The following C1orf167 variants were observed in gnomAD, a reference collection of about 807,000 sequenced individuals.
C1orf167 encodes uncharacterized protein C1orf167.
In C1orf167, 153 loss-of-function variants were observed where a neutral mutation model predicts 176.5. The ratio of observed to expected loss-of-function variants is 0.87; its 90% CI spans 0.76 to 0.99. The LOEUF (loss-of-function observed/expected upper bound fraction) is 0.99, where lower values mean the gene tolerates loss of function less well. Among genes scored for constraint, C1orf167 ranks in the 50% least tolerant of loss-of-function variants. The pLI is 0.00. For missense variants in C1orf167, 1,490 were observed against 1,817.7 expected, an observed-to-expected ratio of 0.82 and a Z score of 3.28; for synonymous variants, 594 against 752.7, an observed-to-expected ratio of 0.79 and a Z score of 3.45.
intron 16 of C1orf167, chr1:11,786,488 T>C (rs1235392701): frequency 6.6e-6 from 1 of 151,960 alleles, no homozygotes; most frequent in South Asian, 2.1e-4. Flanking sequence ...CAGGCCAGAG[T>C]GCAGTGGTGC....
intron 17 of C1orf167, 21 bp downstream of exon 17, chr1:11,787,514 G>C (rs1267407832): frequency 2.3e-6 from 3 of 1,284,218 alleles, no homozygotes; most frequent in African/African-American, 1.5e-5. Context: ...CTTGCCCCGG[G>C]GGACAAACGG....
intron 1 of C1orf167, 74 bp downstream of exon 1, chr1:11,762,379 C>T (rs1383593364): frequency 1.1e-5 from 4 of 351,212 alleles, no homozygotes; most frequent in African/African-American, 2.1e-5. Context: ...GGCTGTGAGC[C>T]CCCTTAAGTG....
intron 8 of C1orf167, among the ~76,000 whole-genome samples, chr1:11,772,615 G>A (rs1375550747): frequency 2.0e-5 from 3 of 152,110 alleles, no homozygotes; most frequent in Non-Finnish European, 4.4e-5. Flanking sequence ...GAGAGGCAAG[G>A]ATGCAAATAG....
intron 6 of C1orf167, 106 bp from the exon 7 acceptor site, chr1:11,771,418 T>C: frequency 5.7e-6 from 3 of 529,046 alleles, no homozygotes; most frequent in South Asian, 5.0e-5. Context: ...CAGCGCCCCC[T>C]GCTCCCAAGG....
rs923750819 is a variant in C1orf167, at chr1:11,782,248, C to T, written c.2920C>T (p.Gln974Ter). ...TWVQVHLQGL[Q>*]KVVFRSWQQA... ...GGTGCAGGTCCACCTCCAGGGCCTG[C>T]AGAAGGTGGTGTTCCGGAGCTGGCA... The change falls in exon 14 of 21, where the codon CAG becomes TAG. Residue 974 changes from glutamine (Q) to a stop codon, truncating the protein, a stop_gained. Coordinates refer to ENST00000688073, the MANE Select transcript of C1orf167 (RefSeq NM_001010881.2). LOFTEE classifies it high-confidence loss of function. The T allele has an allele frequency of 7.7e-7, 1 of 1,301,674 alleles. No homozygotes were observed. The highest frequency in any genetic ancestry group is 1.5e-5 in the African/African-American group (1 of 65,724). 80.6% of individuals were successfully genotyped at this position (1,301,674 alleles called of 1,614,324 possible). A position where few individuals can be genotyped will look rare whatever the true frequency, so the allele number is the denominator to read the frequency against.
At chr1:11,763,950 G>T (rs568228421) in intron 1 of C1orf167, among the ~76,000 whole-genome samples, 2 of 152,286 alleles carry the variant, frequency 1.3e-5, no homozygotes, top group African/African-American at 4.8e-5. Flanking sequence ...CGTGGAAAAG[G>T]GGGGCACCAA....
At position 11,766,895 on chromosome 1, in the gene C1orf167, A is replaced by T. The variant is rs1478812079; in HGVS notation, c.1109A>T (p.Asp370Val). Residue 370 changes from aspartate to valine, a missense_variant, in exon 3 of 21, where the codon GAC (aspartate) becomes GTC (valine). By Grantham distance (152) the Asp-to-Val change is radical (BLOSUM62 -3). Transcript: ENST00000688073. This position sits in a 1 kb window ranked among gnomAD's most constrained non-coding sequence, Gnocchi z 4.5. ...CAAGATGGCAGGGCACAGAGGGGTG[A>T]CCCCAGTCTCCCTCGAGGGGTGGGA... ...WSQDGRAQRG[D>V]PSLPRGVGSR... 8.0e-7 allele frequency: 1 copy of T among 1,246,614 alleles called. No individual in the cohort carries two copies. The highest frequency in any genetic ancestry group is 1.0e-6 in the Non-Finnish European group (1 of 965,788). The allele number at this position is 1,246,614 out of a possible 1,614,324, so 77.2% of individuals were successfully genotyped here. A position where few individuals can be genotyped will look rare whatever the true frequency, so the allele number is the denominator to read the frequency against.
At position 11,788,242 on chromosome 1, in the gene C1orf167, G is replaced by A. The variant is rs1205280814; in HGVS notation, c.3942G>A (p.Gln1314=). 2 of 1,303,916 alleles carry A rather than the reference G, an allele frequency of 1.5e-6. No individual in the cohort carries two copies. Among genetic ancestry groups the A allele is most frequent in the East Asian group, 5.6e-5 (1 of 18,014 alleles). The allele number at this position is 1,303,916 out of a possible 1,614,324, so 80.8% of individuals were successfully genotyped here. Residue 1314 remains glutamine, a synonymous_variant, in exon 19 of 21, where the codon CAG becomes CAA. Coordinates refer to ENST00000688073, the MANE Select transcript of C1orf167 (RefSeq NM_001010881.2). ...ALKGHDALGH[Q]EEVPAAPVPR... ...AGGGTCACGATGCTCTTGGCCATCA[G>A]GAGGAAGTACCTGCAGCGCCGGTGC... is the stretch of plus-strand genomic sequence containing the variant.
Position 11,782,319 on chromosome 1 carries a change from GCTGCTA to G in C1orf167, c.2996_3001del (p.Leu999_Leu1000del). The G allele has an allele frequency of 7.9e-7, 1 of 1,273,600 alleles. No individual in the cohort carries two copies. Among genetic ancestry groups the G allele is most frequent in the Non-Finnish European group, 1.0e-6 (1 of 975,730 alleles). The allele number at this position is 1,273,600 out of a possible 1,614,324, so 78.9% of individuals were successfully genotyped here. A position where few individuals can be genotyped will look rare whatever the true frequency, so the allele number is the denominator to read the frequency against. Reference sequence around the variant, plus strand: ...GATGCACAGTGACCCGGCCAGAGCAGCTGCTACTGCAGAGGTGGGTGGGCCTGGGGG... The same window carrying G: ...GATGCACAGTGACCCGGCCAGAGCAGCTGCAGAGGTGGGTGGGCCTGGGGG... On this transcript the variant is annotated inframe_deletion, in exon 14 of 21. Coordinates refer to ENST00000688073, the MANE Select transcript of C1orf167 (RefSeq NM_001010881.2).
At position 11,772,246 on chromosome 1, in the gene C1orf167, G is replaced by A; in HGVS notation, c.1975G>A (p.Ala659Thr). The A allele has an allele frequency of 7.7e-7, 1 of 1,303,318 alleles. No individual in the cohort carries two copies. Among genetic ancestry groups the A allele is most frequent in the Non-Finnish European group, 1.0e-6 (1 of 988,648 alleles). The allele number at this position is 1,303,318 out of a possible 1,614,324, so 80.7% of individuals were successfully genotyped here. Residue 659 changes from alanine (A) to threonine (T), a missense_variant, in exon 8 of 21, where the codon GCT (alanine) becomes ACT (threonine). Transcript: ENST00000688073. ...VAPLSPQHQRAWLCRCFGAWQ... is the reference protein window; with the variant it reads ...VAPLSPQHQRTWLCRCFGAWQ... ...CCCACTGAGCCCCCAGCACCAGAGA[G>A]CTTGGCTGTGCAGGTAGGATGCCCT...
At chr1:11,772,427 G>C (rs1643125913) in intron 8 of C1orf167, among the ~76,000 whole-genome samples, 168 bp downstream of exon 8, 1 of 79,822 alleles carries the variant, frequency 1.3e-5, no homozygotes, top group Non-Finnish European at 3.0e-5. Flanking sequence ...ACCACGCACA[G>C]CTAATTTTTT....
At chr1:11,776,078 G>A (rs1342474646) in intron 9 of C1orf167, among the ~76,000 whole-genome samples, 1 of 152,180 alleles carries the variant, frequency 6.6e-6, no homozygotes, top group Non-Finnish European at 1.5e-5. Flanking sequence ...CCAACGTGGT[G>A]AAACCCTGTG....
chr1:11,764,155 G>C (rs1293655278), intron 1 of C1orf167, among the ~76,000 whole-genome samples, 176 bp from the exon 2 acceptor site: 1 of 152,162 alleles, frequency 6.6e-6, no homozygotes, highest in Non-Finnish European at 1.5e-5. Flanking sequence ...TATGGAAAGG[G>C]GGGTGATAAG....
In C1orf167 at chr1:11,766,977, A is replaced by G. The variant is rs1198729343; in HGVS notation, c.1191A>G (p.Ser397=). 1 of 1,206,210 alleles carries G rather than the reference A, an allele frequency of 8.3e-7. No individual in the cohort carries two copies. The highest frequency in any genetic ancestry group is 5.8e-5 in the East Asian group (1 of 17,304). The allele number at this position is 1,206,210 out of a possible 1,614,324, so 74.7% of individuals were successfully genotyped here. A position where few individuals can be genotyped will look rare whatever the true frequency, so the allele number is the denominator to read the frequency against. The change falls in exon 3 of 21, where the codon TCA becomes TCG. Residue 397 remains serine (S), a synonymous_variant. Transcript: ENST00000688073. This position sits in a 1 kb window ranked among gnomAD's most constrained non-coding sequence, Gnocchi z 4.5. The stretch of plus-strand genomic sequence containing the variant: ...TCTCCAACACAGCCTGGGGAGTCTC[A>G]CCCAAGCAGAAAGGAGAGGAGGGGG... ...SAFSNTAWGV[S]PKQKGEEGAP...
chr1:11,771,865 TG>T (rs1230078760), intron 7 of C1orf167, among the ~76,000 whole-genome samples: 1 of 152,158 alleles, frequency 6.6e-6, no homozygotes. Context: ...GTGACTTGTT[TG>T]AGGACACACA....
Position 11,785,191 on chromosome 1 carries a change from C to T in C1orf167, c.3469C>T (p.Gln1157Ter). The change falls in exon 16 of 21, where the codon CAG becomes TAG. Residue 1157 changes from glutamine to a stop codon, truncating the protein, a stop_gained. Transcript: ENST00000688073. LOFTEE classifies it high-confidence loss of function. The part of the protein sequence containing the change: ...SVQSAVRGGV[Q>*]RAILTQLRPA... Reference sequence around the variant, plus strand: ...GCAGTCGGCGGTGCGCGGCGGTGTCCAGCGAGCCATCCTCACCCAGCTCCG... The same window carrying T: ...GCAGTCGGCGGTGCGCGGCGGTGTCTAGCGAGCCATCCTCACCCAGCTCCG... The T allele has an allele frequency of 7.7e-7, 1 of 1,291,692 alleles. No homozygotes were observed. Among genetic ancestry groups the T allele is most frequent in the Non-Finnish European group, 1.0e-6 (1 of 988,772 alleles). The allele number at this position is 1,291,692 out of a possible 1,614,324, so 80.0% of individuals were successfully genotyped here.
At chr1:11,785,989 T>C (rs1643853575) in intron 16 of C1orf167, 3 of 151,626 alleles carry the variant, frequency 2.0e-5, no homozygotes, top group Admixed American at 2.0e-4. Context: ...CACCTCGACT[T>C]CCCAAAGTGC....
In C1orf167 at chr1:11,781,466, C is replaced by T. The variant is rs1105357; in HGVS notation, c.2861-723C>T. On this transcript the variant is annotated intron_variant, in intron 13 of 20. Transcript: ENST00000688073. Reference sequence around the variant, plus strand: ...GAGGCTGCCCACTACACCGACATATCGCATTAATGAGCTGGCAGGCAGGGC... The same window carrying T: ...GAGGCTGCCCACTACACCGACATATTGCATTAATGAGCTGGCAGGCAGGGC... Among the ~76,000 whole-genome samples the T allele has an allele frequency of 4.0e-3, 602 of 152,238 alleles. 7 individuals are homozygous for T. Among genetic ancestry groups the T allele is most frequent in the African/African-American group, 0.013 (539 of 41,530 alleles).
At chr1:11,776,725 C>T (rs563869262) in intron 10 of C1orf167, 87 bp downstream of exon 10, 17 of 1,096,452 alleles carry the variant, frequency 1.6e-5, no homozygotes, top group Middle Eastern at 4.3e-4. Flanking sequence ...AGGAGGAATG[C>T]GGGAGGAATA....
Sources: allele counts gnomAD v4.1 joint callset (sites outside exome capture counted in the v4.1 genomes callset), GRCh38; gene constraint gnomAD v4.1.1; non-coding constraint Gnocchi (gnomAD v3.1); transcripts MANE v1.5; gene names NCBI Gene and HGNC (gene_info 2026-07-23, HGNC 2026-07-21).